Variants in MTERF4 observed in about 807,000 individuals in gnomAD.
MTERF4 encodes the protein transcription termination factor 4, mitochondrial.
In MTERF4, 17 loss-of-function variants were observed where a neutral mutation model predicts 22.5. The observed-to-expected ratio is 0.75, with a 90% CI of 0.52 to 1.13. The LOEUF (loss-of-function observed/expected upper bound fraction) is 1.13, where lower values mean the gene tolerates loss of function less well. Among genes scored for constraint, MTERF4 ranks in the 50% most tolerant of loss-of-function variants. MTERF4 has a pLI of 0.00. For missense variants in MTERF4, 420 were observed against 466.8 expected (o/e 0.90, Z 0.92); for synonymous variants, 165 against 175.3 (o/e 0.94, Z 0.47).
At chr2:241,071,830 A>C (rs1332639237), downstream of MTERF4, 1 of 1,604,116 alleles carries the variant, frequency 6.2e-7, no homozygotes, top group East Asian at 2.2e-5. Context: ...AGGAAGAGTG[A>C]GCGCCAGGTT....
At chr2:241,049,172 C>T in the MTERF4 span, 2 of 1,528,470 alleles carry the variant, frequency 1.3e-6, no homozygotes, top group Middle Eastern at 1.7e-4. Flanking sequence ...GGGCCGGGGG[C>T]CCGGACAGAA....
At chr2:241,065,099 C>T in the MTERF4 span, 2 of 819,504 alleles carry the variant, frequency 2.4e-6, no homozygotes, top group Non-Finnish European at 3.7e-6. Flanking sequence ...GATAAAATCC[C>T]CCGGTGGGCT....
At chr2:241,077,804 G>T (rs551668716) in intron 4 of MTERF4, among the ~76,000 whole-genome samples, 87 of 152,298 alleles carry the variant, frequency 5.7e-4, no homozygotes, top group African/African-American at 2.0e-3. Context: ...AGGATGGCGG[G>T]AATTAAAAAG....
At chr2:241,052,829 C>T in the MTERF4 span, among the ~76,000 whole-genome samples, 6 of 134,460 alleles carry the variant, frequency 4.5e-5, no homozygotes, top group East Asian at 1.7e-3. Flanking sequence ...ACATGGGATG[C>T]CGGTGTCAGG....
the MTERF4 span, chr2:241,051,777 G>A: frequency 6.5e-6 from 10 of 1,549,134 alleles, no homozygotes; most frequent in South Asian, 1.2e-5. This position sits in a 1 kb window ranked among gnomAD's most constrained non-coding sequence, Gnocchi z 4.7. Flanking sequence ...GGGCCCTGCC[G>A]GAACGGGGGC....
At chr2:241,059,961 C>T in the MTERF4 span, among the ~76,000 whole-genome samples, 7 of 152,078 alleles carry the variant, frequency 4.6e-5, no homozygotes, top group Non-Finnish European at 7.4e-5. Flanking sequence ...AATTAGAGAT[C>T]ACATGATTGT....
At chr2:241,051,905 G>C in the MTERF4 span, 2 of 1,506,002 alleles carry the variant, frequency 1.3e-6, no homozygotes, top group Non-Finnish European at 1.8e-6. The surrounding 1 kb of genome is among the most constrained non-coding windows in gnomAD (Gnocchi z 4.7). Context: ...CGACGGGCCA[G>C]CCCTGAGCTG....
the MTERF4 span, chr2:241,063,515 A>G: frequency 2.1e-6 from 2 of 974,226 alleles, no homozygotes; most frequent in Admixed American, 4.0e-5. Flanking sequence ...CAGGAAATGC[A>G]CGGAATCCTG....
At chr2:241,044,117 A>G in the MTERF4 span, among the ~76,000 whole-genome samples, 40,859 of 152,154 alleles carry the variant, frequency 0.27, 5,880 homozygotes, top group Middle Eastern at 0.35. Context: ...AAAAATACTC[A>G]ATCCAGAAGG....
downstream of MTERF4, among the ~76,000 whole-genome samples, chr2:241,090,612 A>G (rs1362462432): frequency 1.3e-5 from 2 of 152,236 alleles, no homozygotes; most frequent in East Asian, 3.8e-4. Flanking sequence ...AAAAAGAATT[A>G]TTCTAGCACT....
downstream of MTERF4, chr2:241,089,182 A>G: frequency 9.7e-7 from 1 of 1,026,942 alleles, no homozygotes. Context: ...CCAGTTTCAT[A>G]CTGACCATCA....
chr2:241,064,019 C>T, the MTERF4 span: 71 of 1,553,022 alleles, frequency 4.6e-5, no homozygotes, highest in Middle Eastern at 5.0e-4. This position sits in a 1 kb window ranked among gnomAD's most constrained non-coding sequence, Gnocchi z 7.0. Context: ...CAGAGGTGGA[C>T]GCCTGCGACT....
Position 241,096,855 on chromosome 2 carries a change from C to A in MTERF4, c.705+388G>T. On this transcript the variant is annotated intron_variant, in intron 3 of 3. Transcript: ENST00000391980. This position sits in a 1 kb window ranked among gnomAD's most constrained non-coding sequence, Gnocchi z 5.1. ...AAATTACATTTTCAAAATCAACATGCAAAATAGATTCTAAGGACAGGAAGG... is the reference window on the plus strand; with the variant it reads ...AAATTACATTTTCAAAATCAACATGAAAAATAGATTCTAAGGACAGGAAGG... 1.8e-6 allele frequency: 1 copy of A among 564,796 alleles called. No individual in the cohort carries two copies. Among genetic ancestry groups the A allele is most frequent in the Non-Finnish European group, 3.2e-6 (1 of 314,876 alleles). The allele number at this position is 564,796 out of a possible 1,614,324, so 35.0% of individuals were successfully genotyped here.
downstream of MTERF4, chr2:241,067,856 G>A (rs762126032): frequency 1.5e-5 from 25 of 1,613,368 alleles, no homozygotes; most frequent in African/African-American, 1.1e-4. Context: ...CCATGCCACC[G>A]TCAGTGGGGT....
At chr2:241,072,304 G>T (rs1559297421) in exon 5 of MTERF4, 1 of 437,326 alleles carries the variant, frequency 2.3e-6, no homozygotes, top group East Asian at 6.9e-5. Context: ...GTCCTGGCAA[G>T]ATCTTCCCGG....
Position 241,099,467 on chromosome 2 carries a change from T to C in MTERF4, c.449A>G (p.Gln150Arg). The C allele has an allele frequency of 6.2e-7, 1 of 1,614,210 alleles. No individual in the cohort carries two copies. Among genetic ancestry groups the C allele is most frequent in the Non-Finnish European group, 8.5e-7 (1 of 1,180,040 alleles). Residue 150 changes from glutamine (Q) to arginine (R), a missense_variant, in exon 2 of 4, where the codon CAG becomes CGG. Gln to Arg is a conservative substitution (Grantham distance 43, BLOSUM62 1). Transcript: ENST00000391980. The part of the protein sequence containing the change: ...PVCVVLKKSP[Q>R]LLKLPIMQMR... ...TTGCATAATAGGCAGTTTCAATAACTGGGGACTTTTCTTCAAGACCACACA... is the reference window on the plus strand; with the variant it reads ...TTGCATAATAGGCAGTTTCAATAACCGGGGACTTTTCTTCAAGACCACACA...
intron 2 of MTERF4, among the ~76,000 whole-genome samples, chr2:241,098,142 A>G (rs1403265736): frequency 6.6e-6 from 1 of 152,122 alleles, no homozygotes; most frequent in Admixed American, 6.5e-5. Flanking sequence ...GTTAATTAAA[A>G]TTTTCCTAAC....
chr2:241,091,390 G>A (rs1334509323), downstream of MTERF4, among the ~76,000 whole-genome samples: 6 of 130,794 alleles, frequency 4.6e-5, no homozygotes, highest in African/African-American at 1.4e-4. The surrounding 1 kb of genome is among the most constrained non-coding windows in gnomAD (Gnocchi z 4.1). Context: ...CTAAAGATGG[G>A]GATGTAGTCG....
At chr2:241,050,404 G>A in the MTERF4 span, among the ~76,000 whole-genome samples, 1 of 152,226 alleles carries the variant, frequency 6.6e-6, no homozygotes, top group African/African-American at 2.4e-5. Context: ...TGAAGCAACA[G>A]TCAGGACTCC....
Sources: gnomAD v4.1 joint callset for allele counts (sites outside exome capture counted in the v4.1 genomes callset) on GRCh38, gnomAD v4.1.1 for gene constraint, Gnocchi (gnomAD v3.1) non-coding constraint, MANE v1.5 for transcripts, NCBI Gene and HGNC (gene_info 2026-07-23, HGNC 2026-07-21) for gene names.